Variants in AKT3 observed in about 807,000 individuals in gnomAD.
AKT3 encodes the protein RAC-gamma serine/threonine-protein kinase.
In AKT3, 15 loss-of-function variants were observed where a neutral mutation model predicts 65.3. The ratio of observed to expected loss-of-function variants is 0.23; its 90% CI spans 0.15 to 0.35. The LOEUF (loss-of-function observed/expected upper bound fraction) is 0.35, where lower values mean the gene tolerates loss of function less well. Among genes scored for constraint, AKT3 ranks in the 10% least tolerant of loss-of-function variants. The probability of loss-of-function intolerance (pLI) is 1.00; values close to 1 mark genes in which losing one functional copy is unlikely to be tolerated. For synonymous variants in AKT3, 206 were observed against 183.8 expected (o/e 1.12, Z -0.98); for missense variants, 243 against 576.5 (o/e 0.42, Z 5.92).
chr1:243,641,258 G>GTATA (rs74162300), intron 5 of AKT3, among the ~76,000 whole-genome samples: 2,271 of 141,082 alleles, frequency 0.016, 21 homozygotes, highest in East Asian at 0.045. Flanking sequence ...ATGTGTGTGT[G>GTATA]TATATATATA....
intron 11 of AKT3, among the ~76,000 whole-genome samples, chr1:243,550,220 C>T (rs757766113): frequency 7.9e-5 from 12 of 152,192 alleles, no homozygotes; most frequent in Non-Finnish European, 1.6e-4. Flanking sequence ...GTTCATCTCA[C>T]TCATCCTTGT....
At chr1:243,705,016 G>A (rs1006228623) in intron 2 of AKT3, among the ~76,000 whole-genome samples, 1 of 152,088 alleles carries the variant, frequency 6.6e-6, no homozygotes, top group African/African-American at 2.4e-5. Flanking sequence ...TTGTGCTTCC[G>A]AGATGTCTTA....
intron 4 of AKT3, among the ~76,000 whole-genome samples, chr1:243,659,607 T>C (rs535855511): frequency 6.6e-6 from 1 of 152,080 alleles, no homozygotes; most frequent in African/African-American, 2.4e-5. Flanking sequence ...AGCGCAAATA[T>C]GTATATGTGT....
At chr1:243,836,896 G>A (rs1213254697) in intron 2 of AKT3, among the ~76,000 whole-genome samples, 7 of 136,596 alleles carry the variant, frequency 5.1e-5, no homozygotes, top group African/African-American at 1.9e-4. Context: ...TGGTGACAGA[G>A]CGAGACTCCA....
In AKT3 at chr1:243,623,160, G is replaced by A. The variant is rs56960069; in HGVS notation, c.562-7999C>T. On this transcript the variant is annotated intron_variant, in intron 6 of 13. Transcript: ENST00000673466. ...ACTAGATAGTTTATGCAAACAACAG[G>A]ATGCATGATTAATACTTCGTGCCTG... Among the ~76,000 whole-genome samples, 1,501 of 152,266 alleles carry A rather than the reference G, an allele frequency of 9.9e-3. 19 individuals are homozygous for A. The highest frequency in any genetic ancestry group is 0.034 in the African/African-American group (1,433 of 41,560).
chr1:243,654,709 G>C (rs978839499), intron 4 of AKT3, among the ~76,000 whole-genome samples: 6 of 151,960 alleles, frequency 3.9e-5, no homozygotes, highest in African/African-American at 1.5e-4. Flanking sequence ...CAGAACTTTG[G>C]GGATATCATT....
intron 2 of AKT3, among the ~76,000 whole-genome samples, chr1:243,744,005 T>C (rs972117091): frequency 6.6e-6 from 1 of 152,186 alleles, no homozygotes; most frequent in East Asian, 1.9e-4. Flanking sequence ...CACTTCTAGG[T>C]ACATAGCCAA....
rs1045261233 is a variant in AKT3, at chr1:243,769,427, G to A, written c.46+73698C>T. Reference sequence around the variant, plus strand: ...ACCATTTTACAAACCTACCAGCAGCGTATGGGGATTCCAATTTCTCCATAT... The same window carrying A: ...ACCATTTTACAAACCTACCAGCAGCATATGGGGATTCCAATTTCTCCATAT... On this transcript the variant is annotated intron_variant, in intron 2 of 13. Transcript: ENST00000673466. 6.6e-5 allele frequency among the ~76,000 whole-genome samples: 10 copies of A among 152,178 alleles called. No homozygotes were observed. In the East Asian group the frequency reaches 9.6e-4, roughly 15 times the overall value.
chr1:243,617,742 T>C (rs916218768), intron 6 of AKT3, among the ~76,000 whole-genome samples: 1 of 152,080 alleles, frequency 6.6e-6, no homozygotes, highest in African/African-American at 2.4e-5. Flanking sequence ...CACGTTCTTC[T>C]AAGAAGGATC....
chr1:243,612,329 G>A (rs749044511), intron 8 of AKT3, among the ~76,000 whole-genome samples: 3 of 151,606 alleles, frequency 2.0e-5, no homozygotes, highest in South Asian at 2.1e-4. Flanking sequence ...TGCCCAGGCC[G>A]GTCTCAAACT....
intron 2 of AKT3, among the ~76,000 whole-genome samples, chr1:243,832,092 G>A (rs796539981): frequency 2.0e-4 from 22 of 111,648 alleles, no homozygotes; most frequent in African/African-American, 7.9e-4. Flanking sequence ...ATCAGCCTGA[G>A]CAACATAAAA....
At chr1:243,528,039 T>A (rs73122359) in intron 12 of AKT3, among the ~76,000 whole-genome samples, 13,590 of 152,098 alleles carry the variant, frequency 0.089, 1,001 homozygotes, top group African/African-American at 0.2. Flanking sequence ...TATAAACACA[T>A]CTGCTCTGGT....
chr1:243,693,243 GATATATATATATATATATATATATATAT>G (rs1172388560), intron 3 of AKT3, among the ~76,000 whole-genome samples: 45 of 45,406 alleles, frequency 9.9e-4, no homozygotes, highest in Admixed American at 3.5e-3. Context: ...GCTACAATTT[GATATATATATATATATATATATATATAT>G]ATATATATAT....
Position 243,684,404 on chromosome 1 carries a change from G to A in AKT3, c.172+11187C>T, listed in dbSNP as rs184738964. 8.5e-5 allele frequency among the ~76,000 whole-genome samples: 13 copies of A among 152,066 alleles called. No individual in the cohort carries two copies. In the East Asian group the frequency reaches 1.9e-3, roughly 23 times the overall value. ...CTCCCACTTATGAATGAGAACATGCGGTGTTTGGTTATCTGTTCCTGTGAG... is the reference window on the plus strand; with the variant it reads ...CTCCCACTTATGAATGAGAACATGCAGTGTTTGGTTATCTGTTCCTGTGAG... On this transcript the variant is annotated intron_variant, in intron 3 of 13. Coordinates refer to ENST00000673466, the MANE Select transcript of AKT3 (RefSeq NM_005465.7).
intron 6 of AKT3, among the ~76,000 whole-genome samples, chr1:243,615,467 T>C (rs1047439929): frequency 6.6e-6 from 1 of 152,184 alleles, no homozygotes; most frequent in African/African-American, 2.4e-5. Context: ...AATATTGAGC[T>C]TTCCTCCTTG....
chr1:243,566,399 A>G (rs983220136), intron 9 of AKT3, among the ~76,000 whole-genome samples: 3 of 152,146 alleles, frequency 2.0e-5, no homozygotes, highest in Non-Finnish European at 2.9e-5. Context: ...TAGTGCTACA[A>G]CTGGGCAGTC....
intron 5 of AKT3, among the ~76,000 whole-genome samples, chr1:243,641,539 TG>T (rs1291585972): frequency 5.3e-5 from 8 of 152,058 alleles, no homozygotes; most frequent in East Asian, 1.9e-4. Flanking sequence ...ATTGAATTAT[TG>T]GGGGGTAAAA....
chr1:243,836,959 GATT>G (rs1465249947), intron 2 of AKT3, among the ~76,000 whole-genome samples: 1 of 147,392 alleles, frequency 6.8e-6, no homozygotes, highest in East Asian at 2.0e-4. Context: ...CTCCTAGCAA[GATT>G]ATCAAAGGAA....
At chr1:243,737,752 T>C (rs912407438) in intron 2 of AKT3, among the ~76,000 whole-genome samples, 2 of 152,192 alleles carry the variant, frequency 1.3e-5, no homozygotes, top group African/African-American at 4.8e-5. Flanking sequence ...TGGATGGCAA[T>C]GATTAGAACA....
Sources: allele counts gnomAD v4.1 joint callset (sites outside exome capture counted in the v4.1 genomes callset), GRCh38; gene constraint gnomAD v4.1.1; transcripts MANE v1.5; gene names NCBI Gene and HGNC (gene_info 2026-07-23, HGNC 2026-07-21).